The following KCND2 variants were observed in gnomAD, a reference collection of about 807,000 sequenced individuals.
The protein encoded by KCND2 is potassium voltage-gated channel subfamily D member 2.
Under a neutral mutation model 54.4 loss-of-function variants are expected in KCND2, and 16 were observed. That is an observed-to-expected ratio of 0.29 (90% confidence interval 0.20 to 0.45). KCND2 has a LOEUF of 0.45. Ranked by LOEUF, KCND2 falls within the 20% of genes least tolerant of loss-of-function variation. KCND2 has a pLI of 1.00. For missense variants in KCND2, 486 were observed against 824.2 expected, an observed-to-expected ratio of 0.59 and a Z score of 5.02; for synonymous variants, 317 against 310.7, an observed-to-expected ratio of 1.02 and a Z score of -0.21.
chr7:120,597,858 T>A (rs1412455977), intron 1 of KCND2, among the ~76,000 whole-genome samples: 1 of 152,160 alleles, frequency 6.6e-6, no homozygotes. Context: ...TGACATGTTA[T>A]CTTAGAAAAC....
chr7:120,704,978 C>A (rs1240009005), intron 1 of KCND2, among the ~76,000 whole-genome samples: 1 of 151,604 alleles, frequency 6.6e-6, no homozygotes, highest in Admixed American at 6.6e-5. Flanking sequence ...AAAAGTAAAC[C>A]CTTTTTAAAA....
chr7:120,556,264 AAAGAGAATAAAT>A (rs1351816996), intron 1 of KCND2, among the ~76,000 whole-genome samples: 2 of 152,208 alleles, frequency 1.3e-5, no homozygotes, highest in Non-Finnish European at 2.9e-5. Context: ...CTGGTGAGCC[AAAGAGAATAAAT>A]AGTCTTCACA....
At position 120,369,254 on chromosome 7, in the gene KCND2, G is replaced by T. The variant is rs183875820; in HGVS notation, c.1115+93507G>T. 3.3e-5 allele frequency among the ~76,000 whole-genome samples: 5 copies of T among 151,968 alleles called. No individual in the cohort carries two copies. The East Asian group carries it at 9.7e-4, about 29-fold the overall frequency. ...TTTGTTGTCCTAAAAAAAGAAATCT[G>T]CAAACCGTGTGGTTAATTAGGTACC... On this transcript the variant is annotated intron_variant, in intron 1 of 5. Transcript: ENST00000331113.
intron 1 of KCND2, among the ~76,000 whole-genome samples, chr7:120,366,223 A>G (rs778222292): frequency 6.6e-6 from 1 of 152,052 alleles, no homozygotes; most frequent in African/African-American, 2.4e-5. Context: ...AGTGGCTTAC[A>G]CCTGTAACAC....
intron 1 of KCND2, among the ~76,000 whole-genome samples, chr7:120,574,404 G>A (rs1216388159): frequency 6.6e-6 from 1 of 152,120 alleles, no homozygotes; most frequent in Non-Finnish European, 1.5e-5. Context: ...AGGCACAAAT[G>A]AAAGCAAAAA....
chr7:120,550,184 G>T (rs1216909298), intron 1 of KCND2, among the ~76,000 whole-genome samples: 9 of 151,494 alleles, frequency 5.9e-5, no homozygotes, highest in South Asian at 2.1e-4. Flanking sequence ...CCTTTTTTTT[G>T]GTTTTAAAAC....
intron 1 of KCND2, among the ~76,000 whole-genome samples, chr7:120,399,697 T>G (rs961300181): frequency 6.9e-6 from 1 of 145,772 alleles, no homozygotes; most frequent in Non-Finnish European, 1.5e-5. Flanking sequence ...AATTTTATTT[T>G]TACCTTATTT....
intron 1 of KCND2, among the ~76,000 whole-genome samples, chr7:120,427,864 C>T (rs1449933397): frequency 1.3e-5 from 2 of 152,034 alleles, no homozygotes; most frequent in Non-Finnish European, 2.9e-5. Flanking sequence ...TATGAAAAGT[C>T]GTTCAAGACT....
intron 1 of KCND2, among the ~76,000 whole-genome samples, chr7:120,515,022 T>G (rs1386652513): frequency 6.7e-6 from 1 of 149,968 alleles, no homozygotes; most frequent in Admixed American, 6.7e-5. Flanking sequence ...TTTTTAAACT[T>G]TTTCTTTCTT....
At chr7:120,326,450 CTT>C (rs1160733885) in intron 1 of KCND2, among the ~76,000 whole-genome samples, 2 of 152,014 alleles carry the variant, frequency 1.3e-5, no homozygotes, top group South Asian at 2.1e-4. Context: ...TTTTAAGTGA[CTT>C]TTTCGATTAC....
At chr7:120,586,623 T>G (rs1792603760) in intron 1 of KCND2, among the ~76,000 whole-genome samples, 2 of 152,208 alleles carry the variant, frequency 1.3e-5, no homozygotes. Flanking sequence ...GACTGTCAAA[T>G]AAGCAAAGAC....
chr7:120,341,240 A>G (rs1487103544), intron 1 of KCND2, among the ~76,000 whole-genome samples: 1 of 152,188 alleles, frequency 6.6e-6, no homozygotes, highest in African/African-American at 2.4e-5. Context: ...ACTGTGAAAT[A>G]GTTCTCCAAG....
intron 1 of KCND2, among the ~76,000 whole-genome samples, chr7:120,487,519 C>T (rs982807585): frequency 2.6e-5 from 4 of 152,118 alleles, no homozygotes; most frequent in Non-Finnish European, 5.9e-5. Flanking sequence ...TGCAGTAAAG[C>T]TGAGGCTCAT....
intron 1 of KCND2, among the ~76,000 whole-genome samples, chr7:120,402,442 CT>C (rs952319035): frequency 2.0e-5 from 3 of 151,956 alleles, no homozygotes; most frequent in African/African-American, 7.3e-5. Flanking sequence ...ATTTTTTTAA[CT>C]TTTTTTTCTC....
intron 1 of KCND2, among the ~76,000 whole-genome samples, chr7:120,675,855 C>CTTTTTTTT (rs58226731): frequency 8.2e-6 from 1 of 121,550 alleles, no homozygotes. Context: ...TCTTTCTATT[C>CTTTTTTTT]TTTTTTTTTT....
chr7:120,283,054 G>A (rs1799288796), intron 1 of KCND2, among the ~76,000 whole-genome samples: 1 of 152,258 alleles, frequency 6.6e-6, no homozygotes, highest in Admixed American at 6.5e-5. Flanking sequence ...GACAAACAAG[G>A]CTTTTCCAAG....
chr7:120,715,091 C>T (rs189472397), intron 1 of KCND2, among the ~76,000 whole-genome samples: 117 of 152,062 alleles, frequency 7.7e-4, no homozygotes, highest in African/African-American at 2.6e-3. Context: ...CAGCCTTTGC[C>T]GATCAAAGTT....
intron 1 of KCND2, among the ~76,000 whole-genome samples, chr7:120,708,697 A>G (rs1792500406): frequency 6.6e-6 from 1 of 152,032 alleles, no homozygotes; most frequent in South Asian, 2.1e-4. Context: ...TATCTTTCCT[A>G]CTAATGTTTT....
intron 1 of KCND2, among the ~76,000 whole-genome samples, chr7:120,595,591 G>GTATATATATATATATA (rs58301382): frequency 2.9e-4 from 38 of 131,886 alleles, no homozygotes; most frequent in African/African-American, 9.2e-4. Context: ...GTGTGTGTGT[G>GTATATATATATATATA]TATATATATA....
Sources: allele counts gnomAD v4.1 joint callset (sites outside exome capture counted in the v4.1 genomes callset), GRCh38; gene constraint gnomAD v4.1.1; transcripts MANE v1.5; gene names NCBI Gene and HGNC (gene_info 2026-07-23, HGNC 2026-07-21).